The following NAA25 variants were observed in gnomAD, a reference collection of about 807,000 sequenced individuals.
The protein encoded by NAA25 is N-terminal acetyltransferase B complex subunit NAA25.
Under a neutral mutation model 132.5 loss-of-function variants are expected in NAA25, and 30 were observed. That is an observed-to-expected ratio of 0.23 (90% CI 0.17 to 0.31). The LOEUF is 0.31. Ranked by LOEUF, NAA25 falls within the 10% of genes least tolerant of loss-of-function variation. The pLI, the probability that NAA25 is intolerant of heterozygous loss-of-function variation, is 1.00. For synonymous variants in NAA25, 359 were observed against 401.9 expected (o/e 0.89, Z 1.28); for missense variants, 771 against 1,150.4 (o/e 0.67, Z 4.77).
chr12:112,086,887 T>G (rs1017678489), intron 4 of NAA25, among the ~76,000 whole-genome samples: 3 of 111,690 alleles, frequency 2.7e-5, no homozygotes, highest in African/African-American at 1.1e-4. Flanking sequence ...GGCGCAAGCA[T>G]GTAATCCCAA....
chr12:112,062,218 G>A (rs2078641302), intron 11 of NAA25, among the ~76,000 whole-genome samples: 2 of 151,998 alleles, frequency 1.3e-5, no homozygotes, highest in South Asian at 4.2e-4. Flanking sequence ...CCAACATGCT[G>A]AAACCCCATC....
intron 1 of NAA25, among the ~76,000 whole-genome samples, chr12:112,105,691 C>G (rs2079353083): frequency 1.3e-5 from 2 of 152,186 alleles, no homozygotes; most frequent in South Asian, 4.1e-4. Flanking sequence ...AATCCTGAAA[C>G]CTTGGCAGTA....
intron 23 of NAA25, among the ~76,000 whole-genome samples, chr12:112,032,299 G>A (rs116640480): frequency 9.9e-4 from 150 of 152,184 alleles, no homozygotes; most frequent in African/African-American, 3.4e-3. Flanking sequence ...CTTTGGTAAT[G>A]TGAACTGCTC....
At chr12:112,052,600 GTTCAGA>G (rs148685527) in intron 15 of NAA25, among the ~76,000 whole-genome samples, 9,489 of 152,162 alleles carry the variant, frequency 0.062, 332 homozygotes, top group Middle Eastern at 0.16. Flanking sequence ...TATATCCCAT[GTTCAGA>G]AATGCTTCTA....
Position 112,086,014 on chromosome 12 carries a change from CAAAAAAAAAAAAAAAA to C in NAA25, c.402+1653_402+1668del, listed in dbSNP as rs566528517. On this transcript the variant is annotated intron_variant, in intron 4 of 23. Coordinates refer to ENST00000261745, the MANE Select transcript of NAA25 (RefSeq NM_024953.4). ...CCTGGGTGACAGAGTGAGACTGTCT[CAAAAAAAAAAAAAAAA>C]AAAAAAAAAAAAAAAAAAAAAATAT... Among the ~76,000 whole-genome samples the C allele has an allele frequency of 1.1e-3, 13 of 11,982 alleles. 1 individual carries two copies. The highest frequency in any genetic ancestry group is 6.4e-3 in the Admixed American group (4 of 626). The allele number at this position is 11,982 out of a possible 152,430, so 7.9% of individuals were successfully genotyped here. A position where few individuals can be genotyped will look rare whatever the true frequency, so the allele number is the denominator to read the frequency against.
chr12:112,055,697 C>T (rs1483863664), intron 13 of NAA25, among the ~76,000 whole-genome samples: 1 of 147,612 alleles, frequency 6.8e-6, no homozygotes, highest in African/African-American at 2.5e-5. Context: ...CAGAGTGCAA[C>T]TTTGTCTCAA....
chr12:112,101,414 G>A (rs969257542), intron 1 of NAA25, among the ~76,000 whole-genome samples: 24 of 152,008 alleles, frequency 1.6e-4, no homozygotes, highest in African/African-American at 5.1e-4. Flanking sequence ...TGAACAAATT[G>A]TATGGGGGAA....
In NAA25 at chr12:112,075,458, G is replaced by A. The variant is rs576965668; in HGVS notation, c.776+220C>T. Among the ~76,000 whole-genome samples, 221 of 152,198 alleles carry A rather than the reference G, an allele frequency of 1.5e-3. 3 individuals are homozygous for A. The highest frequency in any genetic ancestry group is 5.0e-3 in the African/African-American group (207 of 41,528). On this transcript the variant is annotated intron_variant, in intron 8 of 23. Transcript: ENST00000261745. Reference sequence around the variant, plus strand: ...CCCACCTTGGCCTCTCAAAGTGCTGGGATCATAGGCATGAGCCACCATGCC... The same window carrying A: ...CCCACCTTGGCCTCTCAAAGTGCTGAGATCATAGGCATGAGCCACCATGCC...
At chr12:112,100,694 G>A (rs536683195) in intron 1 of NAA25, among the ~76,000 whole-genome samples, 3 of 139,236 alleles carry the variant, frequency 2.2e-5, no homozygotes, top group Admixed American at 8.3e-5. Context: ...ATCTTGGCTC[G>A]CTGCATGCTC....
At position 112,108,708 on chromosome 12, in the gene NAA25, A is replaced by G. The variant is rs1014233420; in HGVS notation, c.58+8T>C. 2.0e-6 allele frequency: 3 copies of G among 1,520,684 alleles called. No individual in the cohort carries two copies. In the African/African-American group the frequency reaches 4.2e-5, roughly 21 times the overall value. The allele number at this position is 1,520,684 out of a possible 1,614,324, so 94.2% of individuals were successfully genotyped here. A position where few individuals can be genotyped will look rare whatever the true frequency, so the allele number is the denominator to read the frequency against. The stretch of plus-strand genomic sequence containing the variant: ...GGGCTGGCGAGCGGGCTGGTCCAAG[A>G]CACTCACCGTAAATGGGCCGGAGGC... On this transcript the variant is annotated splice_region_variant and intron_variant, in intron 1 of 23. Transcript: ENST00000261745.
chr12:112,068,280 G>T (rs1251311730), intron 11 of NAA25, among the ~76,000 whole-genome samples: 2 of 152,178 alleles, frequency 1.3e-5, no homozygotes, highest in Non-Finnish European at 2.9e-5. Flanking sequence ...AGATGGGAGA[G>T]GGGGAGGTGG....
At chr12:112,054,605 C>G (rs760631521) in intron 13 of NAA25, 37 bp from the exon 14 acceptor site, 3 of 1,570,498 alleles carry the variant, frequency 1.9e-6, no homozygotes, top group Non-Finnish European at 2.6e-6. Flanking sequence ...CTGATCTTGA[C>G]AGCAAATGAA....
chr12:112,080,586 C>T (rs1314129852), intron 5 of NAA25, among the ~76,000 whole-genome samples: 2 of 151,928 alleles, frequency 1.3e-5, no homozygotes, highest in South Asian at 2.1e-4. Context: ...CTGAAACCTC[C>T]GCCTCCTGGG....
At chr12:112,080,957 C>T in intron 5 of NAA25, 103 bp downstream of exon 5, 1 of 952,942 alleles carries the variant, frequency 1.0e-6, no homozygotes, top group Non-Finnish European at 1.7e-6. Context: ...GACAGCGTGA[C>T]CCTGTCTCAA....
intron 1 of NAA25, 85 bp from the exon 2 acceptor site, chr12:112,093,221 G>A: frequency 1.2e-6 from 1 of 825,460 alleles, no homozygotes; most frequent in South Asian, 1.5e-5. Flanking sequence ...GAGATATTTT[G>A]GAAAATATCT....
intron 6 of NAA25, 43 bp from the exon 7 acceptor site, chr12:112,078,309 A>T: frequency 7.3e-7 from 1 of 1,377,116 alleles, no homozygotes; most frequent in Non-Finnish European, 1.0e-6. Context: ...GAAACTTTTC[A>T]ATAATAAAAA....
intron 11 of NAA25, among the ~76,000 whole-genome samples, chr12:112,063,168 G>A (rs1285470514): frequency 6.6e-6 from 1 of 151,870 alleles, no homozygotes; most frequent in Non-Finnish European, 1.5e-5. Context: ...AGTAACTTAC[G>A]TTGCCAAGAA....
chr12:112,090,455 C>A, intron 3 of NAA25: 1 of 297,064 alleles, frequency 3.4e-6, no homozygotes, highest in Non-Finnish European at 6.2e-6. Context: ...TTGAAATTTT[C>A]CATATTAAAA....
chr12:112,092,797 C>T (rs1210829573), intron 2 of NAA25, among the ~76,000 whole-genome samples: 1 of 151,998 alleles, frequency 6.6e-6, no homozygotes, highest in African/African-American at 2.4e-5. Context: ...GCTGCCTCAG[C>T]CTACTGAGTA....
Sources: gnomAD v4.1 joint callset for allele counts (sites outside exome capture counted in the v4.1 genomes callset) on GRCh38, gnomAD v4.1.1 for gene constraint, MANE v1.5 for transcripts, NCBI Gene and HGNC (gene_info 2026-07-23, HGNC 2026-07-21) for gene names.